FAM13A: variants seen among roughly 807,000 people sequenced by gnomAD.
The protein encoded by FAM13A is family with sequence similarity 13 member A, also known as protein FAM13A.
In FAM13A, 76 loss-of-function variants were observed where a neutral mutation model predicts 129.6. The observed-to-expected ratio is 0.59, with a 90% CI of 0.49 to 0.71. FAM13A has a LOEUF of 0.71. FAM13A is among the 30% of genes least tolerant of loss of function. The pLI, the probability that FAM13A is intolerant of heterozygous loss-of-function variation, is 0.00. For synonymous variants in FAM13A, 443 were observed against 449.9 expected, an observed-to-expected ratio of 0.98 and a Z score of 0.20; for missense variants, 1,108 against 1,249.3, an observed-to-expected ratio of 0.89 and a Z score of 1.70.
chr4:89,014,138 T>C (rs1410952882), intron 3 of FAM13A, among the ~76,000 whole-genome samples: 2 of 152,136 alleles, frequency 1.3e-5, no homozygotes, highest in Admixed American at 6.6e-5. Context: ...TGAATACAAA[T>C]GATTGTAAAA....
At chr4:88,757,991 A>T (rs1257449201) in intron 14 of FAM13A, among the ~76,000 whole-genome samples, 1 of 152,220 alleles carries the variant, frequency 6.6e-6, no homozygotes, top group East Asian at 1.9e-4. Context: ...CACATACTGT[A>T]TAGAGGTAGA....
chr4:88,823,110 G>A (rs927432515), intron 7 of FAM13A: 2 of 1,576,256 alleles, frequency 1.3e-6, no homozygotes, highest in Non-Finnish European at 1.7e-6. Context: ...TGGGTTGGGG[G>A]CATGAGGCTG....
chr4:88,845,884 T>A (rs17014693), intron 7 of FAM13A, among the ~76,000 whole-genome samples: 1 of 152,132 alleles, frequency 6.6e-6, no homozygotes. Flanking sequence ...CACTGTCCCA[T>A]GGTAAGATTT....
At chr4:89,006,461 A>C (rs13129885) in intron 3 of FAM13A, among the ~76,000 whole-genome samples, 1 of 152,112 alleles carries the variant, frequency 6.6e-6, no homozygotes, top group Non-Finnish European at 1.5e-5. Flanking sequence ...GACTTGCAAC[A>C]GGGGTGTGGC....
At chr4:89,020,846 T>C (rs1767165690) in intron 2 of FAM13A, among the ~76,000 whole-genome samples, 177 bp from the exon 3 acceptor site, 1 of 152,208 alleles carries the variant, frequency 6.6e-6, no homozygotes, top group Non-Finnish European at 1.5e-5. Context: ...TAAATGTTCA[T>C]ATCCACTGCA....
At chr4:88,786,746 A>G (rs997629038) in intron 10 of FAM13A, among the ~76,000 whole-genome samples, 6 of 151,862 alleles carry the variant, frequency 4.0e-5, no homozygotes, top group Admixed American at 1.3e-4. Context: ...ACTTATTTAT[A>G]CTGTTTATCT....
intron 7 of FAM13A, among the ~76,000 whole-genome samples, chr4:88,812,900 T>G (rs1242047640): frequency 2.0e-5 from 3 of 152,238 alleles, no homozygotes; most frequent in Non-Finnish European, 4.4e-5. Flanking sequence ...TTATAATTTG[T>G]AAAACTAATT....
intron 6 of FAM13A, among the ~76,000 whole-genome samples, chr4:88,902,142 G>A (rs370063204): frequency 1.3e-5 from 2 of 152,208 alleles, no homozygotes; most frequent in East Asian, 3.9e-4. Flanking sequence ...AAGAGCCCAG[G>A]ACCAGAAAGA....
At chr4:88,802,290 G>T (rs1461240365) in intron 8 of FAM13A, among the ~76,000 whole-genome samples, 2 of 152,106 alleles carry the variant, frequency 1.3e-5, no homozygotes, top group African/African-American at 4.8e-5. Context: ...AGCGTCTGGG[G>T]AACAATGACA....
intron 7 of FAM13A, among the ~76,000 whole-genome samples, chr4:88,833,280 G>A (rs1734222277): frequency 6.6e-6 from 1 of 152,076 alleles, no homozygotes; most frequent in African/African-American, 2.4e-5. Flanking sequence ...GGCTTAATAT[G>A]TAGGTGATGG....
chr4:88,970,442 G>GAT (rs1253078703), intron 4 of FAM13A, among the ~76,000 whole-genome samples: 16 of 150,720 alleles, frequency 1.1e-4, no homozygotes, highest in African/African-American at 3.7e-4. Flanking sequence ...CTGAGAGAGA[G>GAT]AGATATATAT....
chr4:89,026,435 C>T (rs1767968351), intron 2 of FAM13A, among the ~76,000 whole-genome samples: 1 of 152,114 alleles, frequency 6.6e-6, no homozygotes. Flanking sequence ...AGAAACCTGG[C>T]TCTTAAGTTT....
At chr4:88,925,767 C>G (rs1202854500) in intron 5 of FAM13A, among the ~76,000 whole-genome samples, 1 of 150,006 alleles carries the variant, frequency 6.7e-6, no homozygotes, top group Non-Finnish European at 1.5e-5. Context: ...AGATATTGTT[C>G]TCACCCTAGA....
chr4:88,945,783 G>GTATATATATATATACGTATATATATAT (rs146789971), intron 4 of FAM13A, among the ~76,000 whole-genome samples: 1 of 127,040 alleles, frequency 7.9e-6, no homozygotes, highest in Non-Finnish European at 1.6e-5. Context: ...CTATGTGGTT[G>GTATATATATATATACGTATATATATAT]TATATATATA....
chr4:88,785,656 A>T (rs925063074), intron 10 of FAM13A, among the ~76,000 whole-genome samples: 3 of 152,182 alleles, frequency 2.0e-5, no homozygotes, highest in Admixed American at 2.0e-4. Context: ...ACCCAGCATG[A>T]AGATAAGGGG....
intron 3 of FAM13A, among the ~76,000 whole-genome samples, chr4:89,012,717 G>A (rs1765899542): frequency 6.6e-6 from 1 of 152,126 alleles, no homozygotes; most frequent in Non-Finnish European, 1.5e-5. Flanking sequence ...GTTTGGTTTA[G>A]CCTAAATGTC....
intron 7 of FAM13A, among the ~76,000 whole-genome samples, chr4:88,809,908 G>A (rs1729335700): frequency 1.3e-5 from 2 of 150,524 alleles, no homozygotes; most frequent in South Asian, 2.1e-4. Flanking sequence ...AAGAGTTTTC[G>A]GATCAGTTCA....
intron 6 of FAM13A, among the ~76,000 whole-genome samples, chr4:88,861,053 T>C (rs1172785840): frequency 6.6e-6 from 1 of 152,206 alleles, no homozygotes; most frequent in African/African-American, 2.4e-5. Context: ...AGTAAGTCCC[T>C]TAACTTCTCT....
chr4:88,852,210 G>A (rs537709033), intron 6 of FAM13A, among the ~76,000 whole-genome samples: 3 of 149,308 alleles, frequency 2.0e-5, no homozygotes, highest in Non-Finnish European at 3.0e-5. Flanking sequence ...CCAGGCTGCT[G>A]TAGTGCAGTG....
Sources: gnomAD v4.1 joint callset for allele counts (sites outside exome capture counted in the v4.1 genomes callset) on GRCh38, gnomAD v4.1.1 for gene constraint, MANE v1.5 for transcripts, NCBI Gene and HGNC (gene_info 2026-07-23, HGNC 2026-07-21) for gene names.